SNX2: variants seen among roughly 807,000 people sequenced by gnomAD.
SNX2 encodes sorting nexin 2, also known as sorting nexin-2.
SNX2 carries 25 observed loss-of-function variants against 69.9 expected under a neutral mutation model. The observed-to-expected ratio is 0.36, with a 90% CI of 0.26 to 0.50. SNX2 has a LOEUF of 0.50. Among genes scored for constraint, SNX2 ranks in the 20% least tolerant of loss-of-function variants. SNX2 has a pLI of 0.97. For synonymous variants in SNX2, 229 were observed against 200.4 expected, an observed-to-expected ratio of 1.14 and a Z score of -1.20; for missense variants, 551 against 613.3, an observed-to-expected ratio of 0.90 and a Z score of 1.07.
rs75019556 is a variant in SNX2, at chr5:122,788,360, A to G, written c.109-6906A>G. 8.3e-3 allele frequency among the ~76,000 whole-genome samples: 1,257 copies of G among 152,276 alleles called. 18 individuals are homozygous for G. The highest frequency in any genetic ancestry group is 0.029 in the African/African-American group (1,192 of 41,562). Reference sequence around the variant, plus strand: ...TGAATCTAATGTGTGTAGGCATAGTATTCTTTGATTTTATCCTCAATGAGG... The same window carrying G: ...TGAATCTAATGTGTGTAGGCATAGTGTTCTTTGATTTTATCCTCAATGAGG... On this transcript the variant is annotated intron_variant, in intron 1 of 14. Coordinates refer to ENST00000379516, the MANE Select transcript of SNX2 (RefSeq NM_003100.4).
rs142172916 is a variant in SNX2, at chr5:122,824,292, A to G, written c.1213-1758A>G. ...CTTAGTGTTAGTGTTAGTATGTTTT[A>G]TGTGTGGCCCAAGACAATTCTTCTT... On this transcript the variant is annotated intron_variant, in intron 11 of 14. Transcript: ENST00000379516. Among the ~76,000 whole-genome samples, 858 of 150,374 alleles carry G rather than the reference A, an allele frequency of 5.7e-3. 10 individuals carry two copies. The highest frequency in any genetic ancestry group is 0.019 in the African/African-American group (779 of 41,028).
At chr5:122,810,398 TTAA>T (rs1262556401) in intron 7 of SNX2, among the ~76,000 whole-genome samples, 5 of 59,916 alleles carry the variant, frequency 8.3e-5, no homozygotes, top group South Asian at 5.1e-4. Flanking sequence ...GAATGATCAA[TTAA>T]AAAAAAAAAA....
At chr5:122,788,311 C>G (rs182511369) in intron 1 of SNX2, among the ~76,000 whole-genome samples, 61 of 152,218 alleles carry the variant, frequency 4.0e-4, no homozygotes, top group African/African-American at 1.4e-3. Flanking sequence ...TATTTTTTCC[C>G]TATAGCTTCC....
Position 122,822,661 on chromosome 5 carries a change from G to A in SNX2, c.1213-3389G>A, listed in dbSNP as rs143163381. On this transcript the variant is annotated intron_variant, in intron 11 of 14. Transcript: ENST00000379516. ...TAAGCCTGGCGTTGTGTCAGGAAAC[G>A]CCTGTTTTCCTCTTTTGTATAGTAC... is the stretch of plus-strand genomic sequence containing the variant. 1.6e-3 allele frequency among the ~76,000 whole-genome samples: 245 copies of A among 152,214 alleles called. 11 individuals carry two copies. In the East Asian group the frequency reaches 0.044, roughly 27 times the overall value.
At chr5:122,796,507 C>CA (rs1753381441) in intron 2 of SNX2, among the ~76,000 whole-genome samples, 1 of 152,308 alleles carries the variant, frequency 6.6e-6, no homozygotes, top group East Asian at 1.9e-4. Flanking sequence ...AACTTAGAGT[C>CA]AAAATCACCG....
intron 14 of SNX2, among the ~76,000 whole-genome samples, chr5:122,828,422 T>C (rs1754208171): frequency 6.6e-6 from 1 of 152,192 alleles, no homozygotes; most frequent in African/African-American, 2.4e-5. Context: ...GTTTTAAACA[T>C]GACTTCAGTT....
intron 7 of SNX2, among the ~76,000 whole-genome samples, chr5:122,811,263 C>T (rs545279297): frequency 6.4e-4 from 97 of 152,224 alleles, no homozygotes; most frequent in South Asian, 1.5e-3. Context: ...CAAGTATTCC[C>T]CTGTGCCACA....
intron 1 of SNX2, among the ~76,000 whole-genome samples, chr5:122,783,249 A>G (rs977366257): frequency 2.6e-5 from 4 of 152,002 alleles, no homozygotes; most frequent in Non-Finnish European, 5.9e-5. Context: ...CTGCCCAGTG[A>G]CTTGTTTTTT....
At chr5:122,789,627 A>G (rs1337062237) in intron 1 of SNX2, among the ~76,000 whole-genome samples, 1 of 150,168 alleles carries the variant, frequency 6.7e-6, no homozygotes, top group Non-Finnish European at 1.5e-5. Context: ...AAAGAGGGGG[A>G]AAAAAACAGG....
rs1754240451 is a variant in SNX2 at position 122,829,764 on chromosome 5, G to A, written c.*116G>A. 8.3e-6 allele frequency: 6 copies of A among 719,928 alleles called. No individual in the cohort carries two copies. The highest frequency in any genetic ancestry group is 1.9e-5 in the African/African-American group (1 of 51,526). The allele number at this position is 719,928 out of a possible 1,614,324, so 44.6% of individuals were successfully genotyped here. A position where few individuals can be genotyped will look rare whatever the true frequency, so the allele number is the denominator to read the frequency against. ...CCACTATATATTTTATGAATTACAT[G>A]TGGTTTTATATACACACACACACAC... On this transcript the variant is annotated 3_prime_UTR_variant, in exon 15 of 15. Transcript: ENST00000379516.
intron 1 of SNX2, among the ~76,000 whole-genome samples, chr5:122,787,529 A>T (rs1381842796): frequency 1.3e-5 from 2 of 152,076 alleles, no homozygotes; most frequent in African/African-American, 4.8e-5. Flanking sequence ...CCCCAAAAAA[A>T]AAAGAAAGAA....
Position 122,799,774 on chromosome 5 carries a change from C to T in SNX2, c.309C>T (p.Val103=), listed in dbSNP as rs1311190005. 5.6e-6 allele frequency: 9 copies of T among 1,613,438 alleles called. No homozygotes were observed. The African/African-American group carries it at 1.2e-4, about 22-fold the overall frequency. Residue 103 remains valine (V), a synonymous_variant, in exon 3 of 15, where the codon GTC becomes GTT. Coordinates refer to ENST00000379516, the MANE Select transcript of SNX2 (RefSeq NM_003100.4). ...AACCTTCTCCTGCAGTCACACCTGT[C>T]ACTCCTACTACACTCATTGCTCCTA... is the stretch of plus-strand genomic sequence containing the variant. ...SSEPSPAVTP[V]TPTTLIAPRI...
chr5:122,796,490 A>G (rs1753380982), intron 2 of SNX2, among the ~76,000 whole-genome samples: 1 of 152,198 alleles, frequency 6.6e-6, no homozygotes, highest in Admixed American at 6.5e-5. Flanking sequence ...ATTTTAAGCC[A>G]CCTAACAACT....
intron 2 of SNX2, among the ~76,000 whole-genome samples, chr5:122,797,641 C>T (rs1157020422): frequency 6.6e-6 from 1 of 152,136 alleles, no homozygotes; most frequent in Non-Finnish European, 1.5e-5. Flanking sequence ...GAAACCTATA[C>T]TCGATTTGTC....
intron 2 of SNX2, among the ~76,000 whole-genome samples, chr5:122,796,748 A>G (rs1361186680): frequency 6.6e-6 from 1 of 152,154 alleles, no homozygotes; most frequent in Non-Finnish European, 1.5e-5. Flanking sequence ...CCTTCACCCT[A>G]TAGTCTCAGA....
At chr5:122,775,012 G>C (rs932984888), upstream of SNX2, 81 of 1,259,540 alleles carry the variant, frequency 6.4e-5, no homozygotes, top group Middle Eastern at 2.7e-4. Context: ...GCCGGGGGCG[G>C]GGAGGCTGGC....
At chr5:122,812,284 A>T (rs1237119547) in intron 7 of SNX2, among the ~76,000 whole-genome samples, 1 of 151,946 alleles carries the variant, frequency 6.6e-6, no homozygotes. Context: ...TGCACGCCTC[A>T]CTCTGTTACC....
rs149848893 is a variant in SNX2 at position 122,778,573 on chromosome 5, A to G, written c.108+3362A>G. Among the ~76,000 whole-genome samples the G allele has an allele frequency of 4.4e-3, 676 of 151,970 alleles. 4 individuals are homozygous for G. Among genetic ancestry groups the G allele is most frequent in the African/African-American group, 0.015 (639 of 41,418 alleles). On this transcript the variant is annotated intron_variant, in intron 1 of 14. Transcript: ENST00000379516. ...ACCCAGGGTGGAGTGCAGTGGTTTG[A>G]TCTTGGCTCACTGCAGTCTCCACCT...
intron 7 of SNX2, among the ~76,000 whole-genome samples, chr5:122,809,601 T>A (rs758304010): frequency 1.3e-5 from 2 of 152,198 alleles, no homozygotes; most frequent in Non-Finnish European, 2.9e-5. Context: ...TTTCACTGGT[T>A]TTTTTGTTTG....
Sources: allele counts gnomAD v4.1 joint callset (sites outside exome capture counted in the v4.1 genomes callset), GRCh38; gene constraint gnomAD v4.1.1; transcripts MANE v1.5; gene names NCBI Gene and HGNC (gene_info 2026-07-23, HGNC 2026-07-21).